Variants in MACROD2 observed in about 807,000 individuals in gnomAD.
MACROD2 encodes mono-ADP ribosylhydrolase 2.
MACROD2 carries 36 observed loss-of-function variants against 70.4 expected under a neutral mutation model. That is an observed-to-expected ratio of 0.51 (90% CI 0.39 to 0.68). The LOEUF is 0.68. MACROD2 is among the 30% of genes least tolerant of loss of function. The pLI, the probability that MACROD2 is intolerant of heterozygous loss-of-function variation, is 0.00. For synonymous variants in MACROD2, 172 were observed against 178.8 expected, an observed-to-expected ratio of 0.96 and a Z score of 0.30; for missense variants, 496 against 538.4, an observed-to-expected ratio of 0.92 and a Z score of 0.78.
chr20:14,330,309 C>T (rs2301025), intron 3 of MACROD2, among the ~76,000 whole-genome samples: 59,316 of 151,684 alleles, frequency 0.39, 12,855 homozygotes, highest in Non-Finnish European at 0.49. Flanking sequence ...GAGTAATATT[C>T]GAATTGGTTA....
At chr20:15,911,151 G>A (rs573231741) in intron 10 of MACROD2, among the ~76,000 whole-genome samples, 7 of 152,154 alleles carry the variant, frequency 4.6e-5, no homozygotes, top group Non-Finnish European at 8.8e-5. Context: ...GACATGTACT[G>A]CCCTGACTAG....
intron 6 of MACROD2, among the ~76,000 whole-genome samples, chr20:15,279,685 G>C (rs763581046): frequency 6.6e-6 from 1 of 152,138 alleles, no homozygotes; most frequent in Non-Finnish European, 1.5e-5. Context: ...GGGTAGTTTA[G>C]AATTAGTTCT....
intron 12 of MACROD2, among the ~76,000 whole-genome samples, chr20:15,948,422 A>C (rs931754794): frequency 1.3e-5 from 2 of 150,242 alleles, no homozygotes; most frequent in Non-Finnish European, 3.0e-5. Context: ...AGGAAAAAGA[A>C]AAGAAAAGAA....
At chr20:14,843,304 C>T (rs926626432) in intron 5 of MACROD2, among the ~76,000 whole-genome samples, 7 of 149,232 alleles carry the variant, frequency 4.7e-5, no homozygotes, top group African/African-American at 1.5e-4. Flanking sequence ...ATTTATTTTT[C>T]TCATCCTTCT....
At chr20:14,493,223 C>G (rs1389633770) in intron 3 of MACROD2, among the ~76,000 whole-genome samples, 6 of 151,584 alleles carry the variant, frequency 4.0e-5, no homozygotes, top group Non-Finnish European at 8.8e-5. Context: ...TCAATTTGTG[C>G]TTAATTTTAT....
intron 3 of MACROD2, among the ~76,000 whole-genome samples, chr20:14,284,783 A>G (rs2082331295): frequency 6.6e-6 from 1 of 152,140 alleles, no homozygotes; most frequent in Admixed American, 6.6e-5. Context: ...GCCTAACTAG[A>G]TGGTTTGTTT....
At chr20:15,077,747 A>G (rs1000023330) in intron 5 of MACROD2, among the ~76,000 whole-genome samples, 1 of 152,086 alleles carries the variant, frequency 6.6e-6, no homozygotes, top group African/African-American at 2.4e-5. Context: ...AGATATATAG[A>G]TGCCATTTCT....
chr20:15,827,950 A>T (rs2064015351), intron 8 of MACROD2, among the ~76,000 whole-genome samples: 1 of 152,090 alleles, frequency 6.6e-6, no homozygotes, highest in Admixed American at 6.6e-5. Flanking sequence ...CTCACTTATC[A>T]TACTAATACC....
chr20:15,813,698 G>T (rs1202734228), intron 8 of MACROD2, among the ~76,000 whole-genome samples: 1 of 152,146 alleles, frequency 6.6e-6, no homozygotes. Flanking sequence ...AGGATCACTT[G>T]AGCCCAGGAG....
intron 5 of MACROD2, among the ~76,000 whole-genome samples, chr20:14,809,612 C>CA (rs1239580595): frequency 1.3e-5 from 2 of 151,430 alleles, no homozygotes; most frequent in African/African-American, 4.9e-5. Context: ...GAAAGAGACA[C>CA]AAAAAAACTC....
At position 15,264,852 on chromosome 20, in the gene MACROD2, AAG is replaced by A. The variant is rs1402681062; in HGVS notation, c.540+34794_540+34795del. Among the ~76,000 whole-genome samples the A allele has an allele frequency of 2.0e-5, 3 of 152,216 alleles. No homozygotes were observed. In the East Asian group the frequency reaches 5.8e-4, roughly 29 times the overall value. ...TGACCACCCCAAACTTCATGAGAGA[AAG>A]AGGATAGTGAGATGGACAGACTGGG... On this transcript the variant is annotated intron_variant, in intron 6 of 17. Transcript: ENST00000684519.
At chr20:14,017,369 T>C (rs1055436097) in intron 2 of MACROD2, among the ~76,000 whole-genome samples, 12 of 152,148 alleles carry the variant, frequency 7.9e-5, no homozygotes, top group Non-Finnish European at 1.8e-4. Context: ...TTGGCTAGAA[T>C]AAGTGAAAGT....
chr20:15,429,048 T>G (rs1385748278), intron 6 of MACROD2, among the ~76,000 whole-genome samples: 3 of 152,184 alleles, frequency 2.0e-5, no homozygotes, highest in Non-Finnish European at 2.9e-5. Flanking sequence ...AATATGGGGA[T>G]GAATCTGAAT....
At chr20:14,862,222 A>T (rs867993926) in intron 5 of MACROD2, among the ~76,000 whole-genome samples, 1 of 30,280 alleles carries the variant, frequency 3.3e-5, no homozygotes, top group African/African-American at 1.2e-4. Context: ...TATATATATA[A>T]ATATATATAA....
chr20:15,806,428 T>A (rs2063770110), intron 8 of MACROD2, among the ~76,000 whole-genome samples: 1 of 152,188 alleles, frequency 6.6e-6, no homozygotes, highest in Admixed American at 6.5e-5. Context: ...CTTTCAAGTG[T>A]CTGAAAGCTA....
chr20:15,156,139 CCTT>C (rs768061889), intron 5 of MACROD2, among the ~76,000 whole-genome samples: 5 of 152,138 alleles, frequency 3.3e-5, no homozygotes, highest in Non-Finnish European at 7.3e-5. Flanking sequence ...TTTTTCCTCA[CCTT>C]CTTTTTGAGA....
chr20:14,036,904 G>T (rs1258419792), intron 2 of MACROD2, among the ~76,000 whole-genome samples: 1 of 152,126 alleles, frequency 6.6e-6, no homozygotes, highest in Non-Finnish European at 1.5e-5. Flanking sequence ...TTGATTACTT[G>T]CAGTAATTAT....
At chr20:14,220,332 C>G (rs1230058132) in intron 3 of MACROD2, among the ~76,000 whole-genome samples, 1 of 152,048 alleles carries the variant, frequency 6.6e-6, no homozygotes, top group Non-Finnish European at 1.5e-5. Context: ...CAGTCACAGG[C>G]CTCACCCAAC....
chr20:15,329,281 C>A (rs17299383), intron 6 of MACROD2, among the ~76,000 whole-genome samples: 18,271 of 152,028 alleles, frequency 0.12, 1,136 homozygotes, highest in Middle Eastern at 0.22. Context: ...ATGATAGAGG[C>A]CCTTTGGACT....
Sources: gnomAD v4.1 joint callset for allele counts (sites outside exome capture counted in the v4.1 genomes callset) on GRCh38, gnomAD v4.1.1 for gene constraint, MANE v1.5 for transcripts, NCBI Gene and HGNC (gene_info 2026-07-23, HGNC 2026-07-21) for gene names.